Variants in ADCK1 observed in about 807,000 individuals in gnomAD.
ADCK1 encodes the protein aarF domain-containing protein kinase 1.
ADCK1 carries 41 observed loss-of-function variants against 52.3 expected under a neutral mutation model. The observed-to-expected ratio is 0.78, with a 90% confidence interval of 0.61 to 1.02. The LOEUF (loss-of-function observed/expected upper bound fraction) is 1.02. ADCK1 is among the 50% of genes least tolerant of loss of function. ADCK1 has a pLI of 0.00. For missense variants in ADCK1, 658 were observed against 679.5 expected, an observed-to-expected ratio of 0.97 and a Z score of 0.35; for synonymous variants, 250 against 274.6, an observed-to-expected ratio of 0.91 and a Z score of 0.89.
Position 77,882,967 on chromosome 14 carries a change from C to G in ADCK1, c.424-4124C>G, listed in dbSNP as rs901011497. On this transcript the variant is annotated intron_variant, in intron 4 of 10. Coordinates refer to ENST00000238561, the MANE Select transcript of ADCK1 (RefSeq NM_020421.4). The stretch of plus-strand genomic sequence containing the variant: ...TTTTTTCTTACACCACCCCCCCCCC[C>G]GTGCTTTTTTGCTCATTAAATGACA... 5.7e-5 allele frequency among the ~76,000 whole-genome samples: 6 copies of G among 105,716 alleles called. No individual in the cohort carries two copies. The Admixed American group carries it at 7.0e-4, about 12-fold the overall frequency. 69.4% of individuals were successfully genotyped at this position (105,716 alleles called of 152,430 possible). A position where few individuals can be genotyped will look rare whatever the true frequency, so the allele number is the denominator to read the frequency against.
intron 7 of ADCK1, among the ~76,000 whole-genome samples, chr14:77,920,687 C>T (rs562721197): frequency 6.6e-6 from 1 of 152,294 alleles, no homozygotes; most frequent in East Asian, 1.9e-4. Context: ...CTCGCTGTAT[C>T]ACCCAGGCTG....
intron 3 of ADCK1, among the ~76,000 whole-genome samples, chr14:77,842,259 A>G (rs1262457028): frequency 6.6e-6 from 1 of 152,096 alleles, no homozygotes; most frequent in Non-Finnish European, 1.5e-5. Context: ...CTAAGTTATC[A>G]TGTGATTATC....
At chr14:77,805,470 C>A (rs1381564481) in intron 1 of ADCK1, among the ~76,000 whole-genome samples, 6 of 151,802 alleles carry the variant, frequency 4.0e-5, no homozygotes, top group Non-Finnish European at 8.8e-5. Flanking sequence ...CCACATTGGC[C>A]AGGCTGGTTT....
At chr14:77,929,698 G>T (rs1268768521) in intron 9 of ADCK1, among the ~76,000 whole-genome samples, 3 of 151,694 alleles carry the variant, frequency 2.0e-5, no homozygotes, top group Non-Finnish European at 4.4e-5. Flanking sequence ...ACAGAGTCTC[G>T]CTCTGTTGTC....
intron 3 of ADCK1, among the ~76,000 whole-genome samples, chr14:77,851,838 A>T (rs1262134723): frequency 6.6e-6 from 1 of 152,056 alleles, no homozygotes; most frequent in Admixed American, 6.5e-5. Context: ...TTAAGCAATC[A>T]TTTGTCTTTT....
intron 3 of ADCK1, among the ~76,000 whole-genome samples, chr14:77,839,588 G>C (rs1209097800): frequency 2.0e-5 from 3 of 152,116 alleles, no homozygotes; most frequent in African/African-American, 7.2e-5. Context: ...CACAATGCAG[G>C]CCTCCCCTTC....
intron 1 of ADCK1, among the ~76,000 whole-genome samples, chr14:77,800,598 A>C (rs1328569392): frequency 6.6e-6 from 1 of 152,220 alleles, no homozygotes; most frequent in Non-Finnish European, 1.5e-5. Context: ...GGGCAAGAGC[A>C]GGGGGCGATG....
chr14:77,832,360 T>C (rs943705298), intron 3 of ADCK1, among the ~76,000 whole-genome samples: 3 of 152,186 alleles, frequency 2.0e-5, no homozygotes, highest in African/African-American at 7.2e-5. Flanking sequence ...TACTGCCCAA[T>C]CTCATGTTCT....
intron 3 of ADCK1, among the ~76,000 whole-genome samples, chr14:77,830,994 G>C (rs192596543): frequency 4.2e-4 from 64 of 152,264 alleles, no homozygotes; most frequent in African/African-American, 1.4e-3. Context: ...CTGCCAGGTG[G>C]TGATCAAAAT....
intron 2 of ADCK1, 26 bp from the exon 3 acceptor site, chr14:77,822,409 C>A (rs751898963): frequency 4.3e-5 from 68 of 1,591,870 alleles, no homozygotes; most frequent in Middle Eastern, 1.7e-4. Flanking sequence ...AGGTGCTAAG[C>A]TTTTCTCCAC....
intron 7 of ADCK1, among the ~76,000 whole-genome samples, chr14:77,908,886 G>T (rs189134311): frequency 6.6e-6 from 1 of 152,138 alleles, no homozygotes; most frequent in Non-Finnish European, 1.5e-5. Context: ...ACAGGTTGGT[G>T]TCCCCAGCAG....
At chr14:77,885,913 T>C (rs752914140) in intron 4 of ADCK1, among the ~76,000 whole-genome samples, 11 of 152,276 alleles carry the variant, frequency 7.2e-5, no homozygotes, top group Non-Finnish European at 1.3e-4. Flanking sequence ...TCTGGACATG[T>C]AGGTGTGACC....
rs993858359 is a variant in ADCK1, at chr14:77,914,523, A to G, written c.858+6604A>G. On this transcript the variant is annotated intron_variant, in intron 7 of 10. Transcript: ENST00000238561. ...GCAAGCACTGAGTGCACTTGCTACA[A>G]TAGAGGTGTGAGCAGAGTGTGGGAG... 15 of 985,320 alleles carry G rather than the reference A, an allele frequency of 1.5e-5. No individual in the cohort carries two copies. The South Asian group carries it at 5.2e-4, about 34-fold the overall frequency. 61.0% of individuals were successfully genotyped at this position (985,320 alleles called of 1,614,324 possible).
intron 1 of ADCK1, among the ~76,000 whole-genome samples, chr14:77,808,597 CAG>C (rs1179510055): frequency 1.3e-5 from 2 of 152,190 alleles, no homozygotes; most frequent in Non-Finnish European, 1.5e-5. Context: ...TATTTTGAGA[CAG>C]GGTTTCGTTC....
At chr14:77,862,442 T>TG (rs879531842) in intron 4 of ADCK1, among the ~76,000 whole-genome samples, 3 of 152,142 alleles carry the variant, frequency 2.0e-5, no homozygotes, top group Admixed American at 2.0e-4. Flanking sequence ...CTTCTCTTTG[T>TG]GGGGGGATCC....
At chr14:77,916,751 A>G (rs1451238868) in intron 7 of ADCK1, among the ~76,000 whole-genome samples, 1 of 152,070 alleles carries the variant, frequency 6.6e-6, no homozygotes, top group Non-Finnish European at 1.5e-5. Flanking sequence ...TCCCGACACC[A>G]TGTGTGGTCG....
At chr14:77,918,718 A>C (rs1476877790) in intron 7 of ADCK1, among the ~76,000 whole-genome samples, 2 of 152,322 alleles carry the variant, frequency 1.3e-5, no homozygotes, top group South Asian at 4.1e-4. Context: ...GTGTGGTGTG[A>C]CATTCTTGGG....
chr14:77,900,244 GA>G (rs981670800), intron 6 of ADCK1, among the ~76,000 whole-genome samples: 5 of 152,168 alleles, frequency 3.3e-5, no homozygotes, highest in African/African-American at 1.2e-4. Flanking sequence ...GTGGGCATCA[GA>G]AGGGTTGCTG....
chr14:77,807,100 G>A (rs1403871930), intron 1 of ADCK1, among the ~76,000 whole-genome samples: 9 of 107,968 alleles, frequency 8.3e-5, no homozygotes, highest in African/African-American at 3.3e-4. Context: ...ACGGAGTCTC[G>A]CTCTGTCGCC....
Sources: gnomAD v4.1 joint callset for allele counts (sites outside exome capture counted in the v4.1 genomes callset) on GRCh38, gnomAD v4.1.1 for gene constraint, MANE v1.5 for transcripts, NCBI Gene and HGNC (gene_info 2026-07-23, HGNC 2026-07-21) for gene names.